Variants in FBXO38 observed in about 807,000 individuals in gnomAD.
FBXO38 encodes F-box only protein 38.
Under a neutral mutation model 131.9 loss-of-function variants are expected in FBXO38, and 53 were observed. The observed-to-expected ratio is 0.40, with a 90% CI of 0.32 to 0.51. FBXO38 has a LOEUF of 0.51. Ranked by LOEUF, FBXO38 falls within the 20% of genes least tolerant of loss-of-function variation. FBXO38 has a pLI of 0.53. For missense variants in FBXO38, 1,076 were observed against 1,475.6 expected (o/e 0.73, Z 4.44); for synonymous variants, 452 against 505.6 (o/e 0.89, Z 1.42).
At chr5:148,438,639 T>G in intron 18 of FBXO38, 141 bp downstream of exon 18, 1 of 810,368 alleles carries the variant, frequency 1.2e-6, no homozygotes, top group Non-Finnish European at 1.9e-6. Flanking sequence ...TTTTACAGGT[T>G]ATGTATGATA....
intron 15 of FBXO38, 75 bp downstream of exon 15, chr5:148,428,022 C>T: frequency 7.2e-7 from 1 of 1,392,614 alleles, no homozygotes; most frequent in Non-Finnish European, 9.4e-7. Flanking sequence ...CATGAGTTTT[C>T]TTACAAAAAG....
chr5:148,434,943 T>C (rs1754259702), intron 17 of FBXO38: 1 of 152,022 alleles, frequency 6.6e-6, no homozygotes, highest in South Asian at 2.1e-4. Context: ...AATACAAAAA[T>C]TAGCCAGGCG....
Position 148,439,753 on chromosome 5 carries a change from G to T in FBXO38, c.3131G>T (p.Arg1044Leu). The change falls in exon 19 of 22, where the codon CGC (arginine) becomes CTC (leucine). Residue 1044 changes from arginine (R) to leucine (L), a missense_variant. Physicochemically the swap from Arg to Leu is moderately radical, Grantham distance 102. Transcript: ENST00000340253. ...CCTCCCAATGTCCGGAATAAGGTGC[G>T]CATTCGCAGCTGGATGGACACTATA... ...SNPPNVRNKV[R>L]IRSWMDTIAN... The T allele has an allele frequency of 6.2e-7, 1 of 1,614,006 alleles. No individual in the cohort carries two copies. Among genetic ancestry groups the T allele is most frequent in the Non-Finnish European group, 8.5e-7 (1 of 1,179,916 alleles).
Position 148,417,002 on chromosome 5 carries a change from T to C in FBXO38, c.1416T>C (p.Ala472=), listed in dbSNP as rs1753093609. ...QMFREPPKGC[A]RVGLSAGTGI... Reference sequence around the variant, plus strand: ...TTTTGGTTTTGCCTTAGGGTTGTGCTCGAGTTGGTCTGAGTGCAGGCACAG... The same window carrying C: ...TTTTGGTTTTGCCTTAGGGTTGTGCCCGAGTTGGTCTGAGTGCAGGCACAG... Residue 472 remains alanine, a synonymous_variant, in exon 12 of 22, where the codon GCT becomes GCC. Coordinates refer to ENST00000340253, the MANE Select transcript of FBXO38 (RefSeq NM_205836.3). 3 of 1,613,592 alleles carry C rather than the reference T, an allele frequency of 1.9e-6. No individual in the cohort carries two copies. The highest frequency in any genetic ancestry group is 1.7e-5 in the Admixed American group (1 of 59,986).
intron 12 of FBXO38, among the ~76,000 whole-genome samples, chr5:148,421,702 A>G (rs1268658613): frequency 6.6e-6 from 1 of 152,182 alleles, no homozygotes. Context: ...CCTTAATGAT[A>G]AAATATTTTC....
intron 14 of FBXO38, among the ~76,000 whole-genome samples, chr5:148,426,364 A>G (rs1266089222): frequency 6.6e-6 from 1 of 152,208 alleles, no homozygotes; most frequent in Non-Finnish European, 1.5e-5. Flanking sequence ...TTCAAAACAC[A>G]TTTAACACTG....
chr5:148,404,925 C>A, intron 6 of FBXO38, 103 bp downstream of exon 6: 1 of 976,720 alleles, frequency 1.0e-6, no homozygotes, highest in Non-Finnish European at 1.4e-6. Flanking sequence ...TATGCTATTA[C>A]TATTTATGTC....
At chr5:148,422,343 C>T (rs534215246) in intron 12 of FBXO38, among the ~76,000 whole-genome samples, 2 of 152,224 alleles carry the variant, frequency 1.3e-5, no homozygotes, top group Admixed American at 6.5e-5. Flanking sequence ...ACTACTGCCT[C>T]CTAGAATTCC....
intron 8 of FBXO38, 44 bp downstream of exon 8, chr5:148,409,261 T>G (rs770074887): frequency 1.5e-6 from 2 of 1,290,634 alleles, no homozygotes; most frequent in South Asian, 2.4e-5. Context: ...TAGAAGTAAT[T>G]ATGTTTTTCC....
intron 9 of FBXO38, 35 bp from the exon 10 acceptor site, chr5:148,414,101 G>C: frequency 6.6e-7 from 1 of 1,520,910 alleles, no homozygotes; most frequent in Non-Finnish European, 9.0e-7. Flanking sequence ...TTAAGAATTT[G>C]ACTTTTTTTT....
chr5:148,417,309 TC>T, intron 12 of FBXO38, 105 bp downstream of exon 12: 1 of 829,558 alleles, frequency 1.2e-6, no homozygotes. Context: ...CTTGTCACTT[TC>T]CACATTGAGG....
intron 12 of FBXO38, 116 bp from the exon 13 acceptor site, chr5:148,423,882 G>T: frequency 1.2e-6 from 1 of 837,372 alleles, no homozygotes; most frequent in East Asian, 2.7e-5. Context: ...TGTTCTTTCA[G>T]GGCAGGCCTA....
chr5:148,435,614 C>CA lies in FBXO38; in HGVS notation c.2857+1883dup, dbSNP rs202189992. On this transcript the variant is annotated intron_variant, in intron 17 of 21. Coordinates refer to ENST00000340253, the MANE Select transcript of FBXO38 (RefSeq NM_205836.3). The stretch of plus-strand genomic sequence containing the variant: ...GTGAAACCCCGTCTCACTAAAAATA[C>CA]AAAAAATTAGCCGGGCATGGTGGCG... Among the ~76,000 whole-genome samples, 1,356 of 152,030 alleles carry CA rather than the reference C, an allele frequency of 8.9e-3. 18 individuals are homozygous for CA. The highest frequency in any genetic ancestry group is 0.031 in the African/African-American group (1,293 of 41,468).
chr5:148,389,230 C>T (rs1758070661), intron 1 of FBXO38, among the ~76,000 whole-genome samples: 1 of 152,108 alleles, frequency 6.6e-6, no homozygotes, highest in African/African-American at 2.4e-5. Flanking sequence ...ATCACCGTAA[C>T]ACATATAATA....
rs768083378 is a variant in FBXO38, at chr5:148,433,753, C to T, written c.2857+16C>T. On this transcript the variant is annotated intron_variant, in intron 17 of 21. Coordinates refer to ENST00000340253, the MANE Select transcript of FBXO38 (RefSeq NM_205836.3). ...TTCATCCATGGTATGTATTTGGGCCCATATTATACAAGAGTATCATGAATG... is the reference window on the plus strand; with the variant it reads ...TTCATCCATGGTATGTATTTGGGCCTATATTATACAAGAGTATCATGAATG... The T allele has an allele frequency of 7.1e-7, 1 of 1,410,294 alleles. No individual in the cohort carries two copies. Among genetic ancestry groups the T allele is most frequent in the Non-Finnish European group, 9.9e-7 (1 of 1,011,556 alleles). The allele number at this position is 1,410,294 out of a possible 1,614,324, so 87.4% of individuals were successfully genotyped here. A position where few individuals can be genotyped will look rare whatever the true frequency, so the allele number is the denominator to read the frequency against.
At position 148,433,430 on chromosome 5, in the gene FBXO38, C is replaced by T. The variant is rs771598329; in HGVS notation, c.2660C>T (p.Ala887Val). 5 of 1,610,178 alleles carry T rather than the reference C, an allele frequency of 3.1e-6. No homozygotes were observed. Among genetic ancestry groups the T allele is most frequent in the Non-Finnish European group, 8.5e-7 (1 of 1,178,730 alleles). Residue 887 changes from alanine to valine, a missense_variant, in exon 16 of 22, where the codon GCC (alanine) becomes GTC (valine). Ala to Val is a moderately conservative substitution (Grantham distance 64). This residue lies in a region of FBXO38 where 282 missense variants were observed against 418.8 expected (regional missense o/e 0.67). Coordinates refer to ENST00000340253, the MANE Select transcript of FBXO38 (RefSeq NM_205836.3). Reference sequence around the variant, plus strand: ...TTTTTTTTGCCTTTTTTAGAAGTAGCCAAAACAAAGCCACGTCACGCCATG... The same window carrying T: ...TTTTTTTTGCCTTTTTTAGAAGTAGTCAAAACAAAGCCACGTCACGCCATG... ...HVLLVSESEVAKTKPRHAMKR... is the reference protein window; with the variant it reads ...HVLLVSESEVVKTKPRHAMKR...
intron 3 of FBXO38, 77 bp from the exon 4 acceptor site, chr5:148,401,905 G>T: frequency 7.2e-7 from 1 of 1,397,600 alleles, no homozygotes; most frequent in African/African-American, 1.4e-5. Flanking sequence ...TTAACTTTTG[G>T]TAAAAATCAC....
chr5:148,433,563 G>A, intron 16 of FBXO38, 39 bp downstream of exon 16: 2 of 1,559,494 alleles, frequency 1.3e-6, no homozygotes, highest in Non-Finnish European at 1.8e-6. Context: ...TCACAGTCTA[G>A]CCCAGTTCCT....
At chr5:148,441,653 GT>G (rs1754692476) in intron 21 of FBXO38, among the ~76,000 whole-genome samples, 1 of 152,158 alleles carries the variant, frequency 6.6e-6, no homozygotes, top group African/African-American at 2.4e-5. Flanking sequence ...TCTCTAAGTG[GT>G]AGCATACTTG....
Sources: allele counts gnomAD v4.1 joint callset (sites outside exome capture counted in the v4.1 genomes callset), GRCh38; gene constraint gnomAD v4.1.1; regional missense constraint gnomAD v4.1.1; transcripts MANE v1.5; gene names NCBI Gene and HGNC (gene_info 2026-07-23, HGNC 2026-07-21).